PIP4K2A: variants seen among roughly 807,000 people sequenced by gnomAD.
PIP4K2A encodes the protein phosphatidylinositol 5-phosphate 4-kinase type-2 alpha.
PIP4K2A carries 14 observed loss-of-function variants against 42.9 expected under a neutral mutation model. That is an observed-to-expected ratio of 0.33 (90% CI 0.22 to 0.51). The LOEUF is 0.51. Among genes scored for constraint, PIP4K2A ranks in the 20% least tolerant of loss-of-function variants. PIP4K2A has a pLI of 0.97. For synonymous variants in PIP4K2A, 192 were observed against 192.2 expected (o/e 1.00, Z 0.01); for missense variants, 434 against 519.8 (o/e 0.83, Z 1.61).
chr10:22,639,358 C>CG (rs1838731502), intron 1 of PIP4K2A, among the ~76,000 whole-genome samples: 1 of 96,488 alleles, frequency 1.0e-5, no homozygotes, highest in Non-Finnish European at 2.1e-5. Flanking sequence ...TCAAAAGAAG[C>CG]TAAAAAAAAA....
chr10:22,602,894 G>A (rs868314897), intron 3 of PIP4K2A, among the ~76,000 whole-genome samples: 2 of 152,134 alleles, frequency 1.3e-5, no homozygotes, highest in East Asian at 1.9e-4. Context: ...TGTGCTCAAC[G>A]GGTGACAGGC....
chr10:22,540,957 GAAC>G (rs1397109987), intron 8 of PIP4K2A, among the ~76,000 whole-genome samples: 1 of 152,140 alleles, frequency 6.6e-6, no homozygotes, highest in Non-Finnish European at 1.5e-5. Flanking sequence ...GAGCAAAACA[GAAC>G]AAAACAGAAC....
chr10:22,677,012 T>C (rs1331992332), intron 1 of PIP4K2A, among the ~76,000 whole-genome samples: 4 of 152,274 alleles, frequency 2.6e-5, no homozygotes, highest in Non-Finnish European at 4.4e-5. Context: ...CATGATTTTA[T>C]TGCAAATTAC....
intron 1 of PIP4K2A, 170 bp downstream of exon 1, chr10:22,714,013 G>T: frequency 1.6e-6 from 1 of 641,586 alleles, no homozygotes; most frequent in Non-Finnish European, 2.6e-6. Flanking sequence ...GCGGCCCAGA[G>T]GGCTGGGGGC....
At chr10:22,575,182 A>T (rs1248056383) in intron 4 of PIP4K2A, among the ~76,000 whole-genome samples, 1 of 152,220 alleles carries the variant, frequency 6.6e-6, no homozygotes, top group Admixed American at 6.5e-5. Context: ...ACTATACTAT[A>T]CTGAAGATGA....
At chr10:22,567,621 T>C in intron 6 of PIP4K2A, 1 of 712,624 alleles carries the variant, frequency 1.4e-6, no homozygotes, top group South Asian at 1.5e-5. Context: ...GAATGTTCCT[T>C]CCAACCATGC....
chr10:22,639,427 T>C (rs1404595409), intron 1 of PIP4K2A, among the ~76,000 whole-genome samples: 1 of 151,502 alleles, frequency 6.6e-6, no homozygotes, highest in African/African-American at 2.4e-5. Flanking sequence ...TTCTCTAATT[T>C]CTCCATTTGA....
intron 9 of PIP4K2A, among the ~76,000 whole-genome samples, chr10:22,537,995 G>A (rs1392425755): frequency 6.6e-6 from 1 of 152,236 alleles, no homozygotes; most frequent in Admixed American, 6.5e-5. Flanking sequence ...CAGAAGCACG[G>A]TGAGGGATTT....
intron 1 of PIP4K2A, among the ~76,000 whole-genome samples, chr10:22,612,779 T>C (rs1838083508): frequency 6.6e-6 from 1 of 152,196 alleles, no homozygotes; most frequent in African/African-American, 2.4e-5. Flanking sequence ...GAGTTCAGTT[T>C]TGAGCTTGTT....
At chr10:22,582,226 A>G (rs1363762359) in intron 4 of PIP4K2A, among the ~76,000 whole-genome samples, 2 of 152,194 alleles carry the variant, frequency 1.3e-5, no homozygotes, top group Non-Finnish European at 2.9e-5. Context: ...AATGTAATGC[A>G]ATGATAAATT....
intron 1 of PIP4K2A, among the ~76,000 whole-genome samples, chr10:22,663,514 T>C (rs1028344198): frequency 2.0e-5 from 3 of 152,232 alleles, no homozygotes; most frequent in Admixed American, 6.5e-5. Context: ...ACAAATTATA[T>C]ATTATATTTG....
intron 3 of PIP4K2A, among the ~76,000 whole-genome samples, chr10:22,607,305 G>C (rs1461587590): frequency 6.6e-6 from 1 of 152,210 alleles, no homozygotes; most frequent in East Asian, 1.9e-4. Context: ...GACCAGGCCA[G>C]TGTGGGGAGG....
chr10:22,709,379 C>T (rs1833876982), intron 1 of PIP4K2A, among the ~76,000 whole-genome samples: 2 of 152,130 alleles, frequency 1.3e-5, no homozygotes, highest in South Asian at 4.1e-4. Context: ...GCTCAAAGAG[C>T]CCATCAGTTC....
intron 1 of PIP4K2A, among the ~76,000 whole-genome samples, chr10:22,649,758 A>T (rs556956963): frequency 6.6e-6 from 1 of 152,340 alleles, no homozygotes; most frequent in African/African-American, 2.4e-5. Context: ...AGGGATGGCC[A>T]TACCCACATC....
rs1836920295 is a variant in PIP4K2A at position 22,569,149 on chromosome 10, C to G, written c.640-1260G>C. The G allele has an allele frequency of 3.2e-6, 3 of 926,408 alleles. No homozygotes were observed. The Admixed American group carries it at 6.1e-5, about 19-fold the overall frequency. The allele number at this position is 926,408 out of a possible 1,614,324, so 57.4% of individuals were successfully genotyped here. A position where few individuals can be genotyped will look rare whatever the true frequency, so the allele number is the denominator to read the frequency against. On this transcript the variant is annotated intron_variant, in intron 5 of 9. Coordinates refer to ENST00000376573, the MANE Select transcript of PIP4K2A (RefSeq NM_005028.5). ...TTCCTGCAATTCACAGATGCGGAAA[C>G]TTGAACGGAAGAGACTCCTCACATT...
rs1839276937 is a variant in PIP4K2A at position 22,664,104 on chromosome 10, CATATATATATACATATATATATAT to C, written c.144+50055_144+50078del. On this transcript the variant is annotated intron_variant, in intron 1 of 9. Coordinates refer to ENST00000376573, the MANE Select transcript of PIP4K2A (RefSeq NM_005028.5). Reference sequence around the variant, plus strand: ...ATATATATATACATATATATATATACATATATATATACATATATATATATACATATATATATACATATATATACA... The same window carrying C: ...ATATATATATACATATATATATATACACATATATATATACATATATATACA... 9.9e-5 allele frequency among the ~76,000 whole-genome samples: 5 copies of C among 50,368 alleles called. No homozygotes were observed. In the East Asian group the frequency reaches 1.7e-3, roughly 17 times the overall value. The allele number at this position is 50,368 out of a possible 152,430, so 33.0% of individuals were successfully genotyped here. A position where few individuals can be genotyped will look rare whatever the true frequency, so the allele number is the denominator to read the frequency against.
At position 22,627,591 on chromosome 10, in the gene PIP4K2A, T is replaced by TAAATAA. The variant is rs1838469660; in HGVS notation, c.145-17875_145-17874insTTATTT. ...TGTTTAACCAAAAGCTAATATGTAA[T>TAAATAA]AAAAAAAAAAAAAAAAAAAAAAAAA... On this transcript the variant is annotated intron_variant, in intron 1 of 9. Coordinates refer to ENST00000376573, the MANE Select transcript of PIP4K2A (RefSeq NM_005028.5). Among the ~76,000 whole-genome samples, 3 of 57,032 alleles carry TAAATAA rather than the reference T, an allele frequency of 5.3e-5. No individual in the cohort carries two copies. In the South Asian group the frequency reaches 2.5e-3, roughly 47 times the overall value. 37.4% of individuals were successfully genotyped at this position (57,032 alleles called of 152,430 possible).
At chr10:22,629,809 G>A (rs1588674020) in intron 1 of PIP4K2A, among the ~76,000 whole-genome samples, 1 of 152,156 alleles carries the variant, frequency 6.6e-6, no homozygotes, top group Non-Finnish European at 1.5e-5. Context: ...ATTAGCACAT[G>A]TAGATACATG....
intron 1 of PIP4K2A, among the ~76,000 whole-genome samples, chr10:22,672,195 C>G (rs1363181191): frequency 6.6e-6 from 1 of 151,838 alleles, no homozygotes; most frequent in African/African-American, 2.4e-5. Flanking sequence ...ACATTTAATG[C>G]CGCTACATCA....
Sources: gnomAD v4.1 joint callset for allele counts (sites outside exome capture counted in the v4.1 genomes callset) on GRCh38, gnomAD v4.1.1 for gene constraint, MANE v1.5 for transcripts, NCBI Gene and HGNC (gene_info 2026-07-23, HGNC 2026-07-21) for gene names.